The following ADAM22 variants were observed in gnomAD, a reference collection of about 807,000 sequenced individuals.
The protein encoded by ADAM22 is disintegrin and metalloproteinase domain-containing protein 22.
A neutral mutation model predicts 144.6 loss-of-function variants in ADAM22; 65 were observed. That is an observed-to-expected ratio of 0.45 (90% CI 0.37 to 0.55). The LOEUF (loss-of-function observed/expected upper bound fraction) is 0.55, where lower values mean the gene tolerates loss of function less well. Among genes scored for constraint, ADAM22 ranks in the 20% least tolerant of loss-of-function variants. The probability of loss-of-function intolerance (pLI) is 0.00; values close to 1 mark genes in which losing one functional copy is unlikely to be tolerated. For synonymous variants in ADAM22, 391 were observed against 412.6 expected, an observed-to-expected ratio of 0.95 and a Z score of 0.63; for missense variants, 974 against 1,184.9, an observed-to-expected ratio of 0.82 and a Z score of 2.61.
chr7:88,181,696 C>G, intron 28 of ADAM22, 91 bp downstream of exon 28: 1 of 1,083,714 alleles, frequency 9.2e-7, no homozygotes, highest in South Asian at 1.5e-5. Flanking sequence ...TTCTTTGAAG[C>G]TCTTTAGCTC....
At chr7:88,182,414 T>A (rs1395569379) in intron 29 of ADAM22, among the ~76,000 whole-genome samples, 1 of 152,100 alleles carries the variant, frequency 6.6e-6, no homozygotes, top group Non-Finnish European at 1.5e-5. Context: ...CGGGGAAAAA[T>A]TCCCATTGTA....
intron 14 of ADAM22, among the ~76,000 whole-genome samples, chr7:88,140,445 G>A (rs565972668): frequency 3.8e-4 from 58 of 152,268 alleles, no homozygotes; most frequent in African/African-American, 1.4e-3. Context: ...TTGGTCTGAT[G>A]CAGCCACAAT....
At chr7:88,193,722 G>A (rs1850100671) in intron 31 of ADAM22, among the ~76,000 whole-genome samples, 1 of 152,176 alleles carries the variant, frequency 6.6e-6, no homozygotes. Context: ...ACACTGTAAT[G>A]TTCATCTTCT....
chr7:88,176,982 C>T (rs1845834262), intron 26 of ADAM22, among the ~76,000 whole-genome samples: 1 of 152,150 alleles, frequency 6.6e-6, no homozygotes, highest in Non-Finnish European at 1.5e-5. Context: ...CCAGGCTAGT[C>T]TCCAACTCCC....
intron 17 of ADAM22, 63 bp from the exon 18 acceptor site, chr7:88,148,914 G>T: frequency 8.1e-7 from 1 of 1,230,596 alleles, no homozygotes; most frequent in Non-Finnish European, 1.1e-6. Flanking sequence ...GTTTTTTTTA[G>T]ATGATATTGT....
chr7:88,109,206 TGTC>T (rs1376547632), intron 5 of ADAM22, among the ~76,000 whole-genome samples: 7 of 152,174 alleles, frequency 4.6e-5, no homozygotes, highest in African/African-American at 1.7e-4. Flanking sequence ...TGGGAGGGTC[TGTC>T]GTTTCTCAGA....
intron 2 of ADAM22, among the ~76,000 whole-genome samples, chr7:87,955,531 T>G (rs1428619919): frequency 6.6e-6 from 1 of 152,186 alleles, no homozygotes; most frequent in African/African-American, 2.4e-5. Flanking sequence ...GTGTGAGGTG[T>G]CAGTCTGCCC....
intron 2 of ADAM22, among the ~76,000 whole-genome samples, chr7:87,954,508 A>G (rs535411945): frequency 6.6e-6 from 1 of 152,236 alleles, no homozygotes; most frequent in Admixed American, 6.5e-5. Flanking sequence ...CTGCTGAGAG[A>G]TCTGCTGTTA....
rs747148249 is a variant in ADAM22 at position 88,075,627 on chromosome 7, G to T, written c.325G>T (p.Asp109Tyr). 1.2e-6 allele frequency: 2 copies of T among 1,613,300 alleles called. No individual in the cohort carries two copies. The highest frequency in any genetic ancestry group is 1.7e-6 in the Non-Finnish European group (2 of 1,179,622). Residue 109 changes from aspartate to tyrosine, a missense_variant and splice_region_variant, in exon 4 of 32, where the codon GAT becomes TAT. Transcript: ENST00000413139. ...CATCATTTATTTTTGTTGTTGCAGT[G>T]ATTTGCTGTCCTCTGAATACATAGA... ...SFILDVVLNH[D>Y]LLSSEYIERH...
chr7:88,069,040 A>ATTGGTGCC (rs1050486336), intron 3 of ADAM22, among the ~76,000 whole-genome samples: 4 of 151,908 alleles, frequency 2.6e-5, no homozygotes, highest in Admixed American at 2.6e-4. Flanking sequence ...CAGGCCTGGG[A>ATTGGTGCC]TTGGTGCCTT....
chr7:88,084,885 G>A (rs112132582), intron 4 of ADAM22, among the ~76,000 whole-genome samples: 4 of 152,120 alleles, frequency 2.6e-5, no homozygotes, highest in African/African-American at 9.7e-5. Context: ...TGTTGACAGG[G>A]TTGGTTTCTG....
chr7:88,137,202 G>GT (rs1186600333), intron 14 of ADAM22, among the ~76,000 whole-genome samples: 2 of 152,060 alleles, frequency 1.3e-5, no homozygotes, highest in Non-Finnish European at 2.9e-5. Context: ...GTGACTTGCT[G>GT]TTTTTTATCA....
At chr7:88,013,658 G>A (rs1795951381) in intron 3 of ADAM22, among the ~76,000 whole-genome samples, 1 of 151,990 alleles carries the variant, frequency 6.6e-6, no homozygotes, top group Non-Finnish European at 1.5e-5. Flanking sequence ...CAAACTCTTG[G>A]CCTCAAGTGA....
chr7:88,161,985 A>G (rs187312710), intron 22 of ADAM22, among the ~76,000 whole-genome samples: 2 of 152,048 alleles, frequency 1.3e-5, no homozygotes, highest in East Asian at 3.9e-4. Flanking sequence ...AAATCATTCT[A>G]CCATAAAGAC....
chr7:87,976,140 G>A (rs1419811473), intron 2 of ADAM22, among the ~76,000 whole-genome samples: 2 of 152,170 alleles, frequency 1.3e-5, no homozygotes, highest in African/African-American at 4.8e-5. Context: ...CAAGTACTGA[G>A]GTCTTGATGT....
At chr7:88,108,100 T>A (rs1824927438) in intron 4 of ADAM22, 76 bp from the exon 5 acceptor site, 1 of 1,177,014 alleles carries the variant, frequency 8.5e-7, no homozygotes, top group Admixed American at 1.9e-5. Context: ...GCATTGTGAG[T>A]AGAAACCTCC....
At chr7:88,062,585 G>T (rs1810191515) in intron 3 of ADAM22, among the ~76,000 whole-genome samples, 1 of 152,152 alleles carries the variant, frequency 6.6e-6, no homozygotes, top group Admixed American at 6.5e-5. Flanking sequence ...TATCATTCAT[G>T]TGTTCAGTAT....
chr7:88,036,445 A>G (rs1425872246), intron 3 of ADAM22, among the ~76,000 whole-genome samples: 1 of 152,162 alleles, frequency 6.6e-6, no homozygotes, highest in Non-Finnish European at 1.5e-5. Flanking sequence ...TATTTTTCAC[A>G]ATTGTATTTT....
chr7:88,009,275 T>A (rs1794788264), intron 3 of ADAM22, among the ~76,000 whole-genome samples: 1 of 152,192 alleles, frequency 6.6e-6, no homozygotes, highest in South Asian at 2.1e-4. Context: ...ATTTCACAAG[T>A]CAGTCAGAAA....
Sources: allele counts gnomAD v4.1 joint callset (sites outside exome capture counted in the v4.1 genomes callset), GRCh38; gene constraint gnomAD v4.1.1; transcripts MANE v1.5; gene names NCBI Gene and HGNC (gene_info 2026-07-23, HGNC 2026-07-21).